CHSY3: variants seen among roughly 807,000 people sequenced by gnomAD.
CHSY3 encodes the protein N-acetylgalactosaminyl-proteoglycan 3-beta-glucuronosyltransferase 3.
Under a neutral mutation model 67.2 loss-of-function variants are expected in CHSY3, and 35 were observed. The ratio of observed to expected loss-of-function variants is 0.52; its 90% CI spans 0.40 to 0.69. The LOEUF is 0.69. Among genes scored for constraint, CHSY3 ranks in the 30% least tolerant of loss-of-function variants. The probability of loss-of-function intolerance (pLI) is 0.00; values close to 1 mark genes in which losing one functional copy is unlikely to be tolerated. For synonymous variants in CHSY3, 474 were observed against 434.7 expected, an observed-to-expected ratio of 1.09 and a Z score of -1.12; for missense variants, 1,069 against 1,138.5, an observed-to-expected ratio of 0.94 and a Z score of 0.88.
At chr5:130,091,817 T>C (rs1766889757) in intron 2 of CHSY3, among the ~76,000 whole-genome samples, 1 of 152,184 alleles carries the variant, frequency 6.6e-6, no homozygotes. Flanking sequence ...TTTAATGACC[T>C]CTTTGCAGAG....
intron 2 of CHSY3, among the ~76,000 whole-genome samples, chr5:130,087,338 A>G (rs1354219178): frequency 6.6e-6 from 1 of 152,176 alleles, no homozygotes; most frequent in African/African-American, 2.4e-5. Context: ...CACCACTCCT[A>G]TTCAACATAC....
intron 2 of CHSY3, among the ~76,000 whole-genome samples, chr5:130,051,496 G>A (rs1431819391): frequency 1.3e-5 from 2 of 151,956 alleles, no homozygotes; most frequent in African/African-American, 2.4e-5. Flanking sequence ...ACACGCTAGG[G>A]AAGAAAACTC....
intron 2 of CHSY3, among the ~76,000 whole-genome samples, chr5:129,935,956 T>G (rs893569650): frequency 3.9e-5 from 6 of 152,202 alleles, no homozygotes; most frequent in Non-Finnish European, 7.3e-5. Context: ...TCTTAGTTGT[T>G]GATTCAAACA....
chr5:130,131,509 A>G (rs1768483133), intron 2 of CHSY3, among the ~76,000 whole-genome samples: 1 of 152,206 alleles, frequency 6.6e-6, no homozygotes, highest in Non-Finnish European at 1.5e-5. Context: ...ATCAATATTT[A>G]TATCTATTTA....
intron 2 of CHSY3, among the ~76,000 whole-genome samples, chr5:130,051,470 A>G (rs1480575465): frequency 6.6e-6 from 1 of 152,110 alleles, no homozygotes; most frequent in East Asian, 1.9e-4. Context: ...AGTGCTCACA[A>G]TGTAATCAAG....
intron 2 of CHSY3, among the ~76,000 whole-genome samples, chr5:130,097,867 A>G (rs11242018): frequency 0.44 from 66,623 of 151,750 alleles, 14,866 homozygotes; most frequent in Admixed American, 0.51. Flanking sequence ...TTAGCCGGGC[A>G]TGGTGGTGGG....
intron 2 of CHSY3, among the ~76,000 whole-genome samples, chr5:130,037,985 T>C (rs1764908191): frequency 6.6e-6 from 1 of 152,076 alleles, no homozygotes; most frequent in Admixed American, 6.6e-5. Flanking sequence ...TAAAAAATTG[T>C]GTGAGAGGAT....
At chr5:129,969,240 T>C (rs1399935541) in intron 2 of CHSY3, among the ~76,000 whole-genome samples, 1 of 151,764 alleles carries the variant, frequency 6.6e-6, no homozygotes, top group African/African-American at 2.4e-5. Flanking sequence ...AGAGGTGACA[T>C]AGCTAGGGTT....
intron 2 of CHSY3, among the ~76,000 whole-genome samples, chr5:129,935,764 A>C (rs1761466820): frequency 6.6e-6 from 1 of 152,232 alleles, no homozygotes; most frequent in South Asian, 2.1e-4. Flanking sequence ...CTCAAGCTCT[A>C]AACTGAAGCT....
intron 2 of CHSY3, among the ~76,000 whole-genome samples, chr5:130,178,249 ATATATTTT>A (rs1305885707): frequency 1.5e-5 from 1 of 68,534 alleles, no homozygotes; most frequent in African/African-American, 8.0e-5. Context: ...ATATATATAT[ATATATTTT>A]TTTTTTTTTT....
intron 2 of CHSY3, among the ~76,000 whole-genome samples, chr5:130,088,048 C>G (rs1403192104): frequency 6.6e-6 from 1 of 152,230 alleles, no homozygotes; most frequent in East Asian, 1.9e-4. Flanking sequence ...GAACAGAGCT[C>G]TCAGAAATAA....
intron 2 of CHSY3, among the ~76,000 whole-genome samples, chr5:130,136,446 T>C (rs773267541): frequency 6.6e-6 from 1 of 152,114 alleles, no homozygotes; most frequent in Non-Finnish European, 1.5e-5. Context: ...GGGAGTGATA[T>C]AAGTGAATTT....
At chr5:130,116,863 CTTT>C (rs10610925) in intron 2 of CHSY3, among the ~76,000 whole-genome samples, 37 of 148,894 alleles carry the variant, frequency 2.5e-4, no homozygotes, top group South Asian at 4.2e-4. Flanking sequence ...CTAGCTTTGT[CTTT>C]TTTTTTTTTT....
intron 2 of CHSY3, among the ~76,000 whole-genome samples, chr5:129,996,684 A>C (rs1230682582): frequency 6.6e-6 from 1 of 152,102 alleles, no homozygotes; most frequent in Admixed American, 6.6e-5. Context: ...GAGTGCTTCA[A>C]AGGAGATCTT....
At chr5:130,085,912 G>C (rs577074478) in intron 2 of CHSY3, among the ~76,000 whole-genome samples, 79 of 152,258 alleles carry the variant, frequency 5.2e-4, no homozygotes, top group Non-Finnish European at 3.5e-4. Context: ...CCATGTAGTT[G>C]AGCGGTTTTG....
intron 2 of CHSY3, among the ~76,000 whole-genome samples, chr5:130,015,847 G>A (rs139354680): frequency 1.3e-5 from 2 of 152,202 alleles, no homozygotes; most frequent in African/African-American, 2.4e-5. Context: ...GCCCATTAAC[G>A]GTGGATTGAA....
chr5:130,141,344 A>G (rs1768859462), intron 2 of CHSY3: 1 of 379,400 alleles, frequency 2.6e-6, no homozygotes, highest in Admixed American at 3.4e-5. Flanking sequence ...GCTTATTTAG[A>G]TTTATCAAGG....
intron 2 of CHSY3, among the ~76,000 whole-genome samples, chr5:130,044,654 G>A (rs908093883): frequency 1.3e-5 from 2 of 152,064 alleles, no homozygotes; most frequent in Non-Finnish European, 2.9e-5. Flanking sequence ...AAAGGATAGA[G>A]GAATATAGTC....
At chr5:130,052,862 A>G (rs1765407150) in intron 2 of CHSY3, among the ~76,000 whole-genome samples, 2 of 152,184 alleles carry the variant, frequency 1.3e-5, no homozygotes, top group South Asian at 4.1e-4. Flanking sequence ...AAATGGACTC[A>G]GTAACTTTAA....
Sources: gnomAD v4.1 joint callset for allele counts (sites outside exome capture counted in the v4.1 genomes callset) on GRCh38, gnomAD v4.1.1 for gene constraint, MANE v1.5 for transcripts, NCBI Gene and HGNC (gene_info 2026-07-23, HGNC 2026-07-21) for gene names.